Variants in RORA observed in about 807,000 individuals in gnomAD.
RORA encodes nuclear receptor ROR-alpha.
RORA carries 7 observed loss-of-function variants against 69.5 expected under a neutral mutation model. That is an observed-to-expected ratio of 0.10 (90% CI 0.06 to 0.19). The LOEUF is 0.19. Ranked by LOEUF, RORA falls within the 10% of genes least tolerant of loss-of-function variation. The pLI is 1.00. For synonymous variants in RORA, 261 were observed against 240.8 expected, an observed-to-expected ratio of 1.08 and a Z score of -0.78; for missense variants, 457 against 663.0, an observed-to-expected ratio of 0.69 and a Z score of 3.41.
chr15:61,188,613 C>T (rs1344796254), intron 1 of RORA, among the ~76,000 whole-genome samples: 1 of 150,942 alleles, frequency 6.6e-6, no homozygotes, highest in Non-Finnish European at 1.5e-5. Context: ...TGAGTAACAA[C>T]TAGGAAATAA....
intron 1 of RORA, among the ~76,000 whole-genome samples, chr15:60,776,259 G>A (rs1287867619): frequency 6.6e-6 from 1 of 152,208 alleles, no homozygotes; most frequent in Non-Finnish European, 1.5e-5. Flanking sequence ...ACTTCAGACT[G>A]AATCTTCTGT....
At chr15:60,718,762 A>G (rs1369104472) in intron 1 of RORA, among the ~76,000 whole-genome samples, 5 of 152,220 alleles carry the variant, frequency 3.3e-5, no homozygotes, top group African/African-American at 4.8e-5. Context: ...GAAGTCATTA[A>G]TATGTGGAAA....
At chr15:60,544,479 T>TTG (rs1567075375) in intron 2 of RORA, among the ~76,000 whole-genome samples, 57 of 152,228 alleles carry the variant, frequency 3.7e-4, no homozygotes, top group African/African-American at 1.2e-3. Context: ...CCTGCTTTTT[T>TTG]TTGTTGTTGT....
chr15:61,203,825 GAAC>G (rs1384081261), intron 1 of RORA, among the ~76,000 whole-genome samples: 1 of 152,132 alleles, frequency 6.6e-6, no homozygotes, highest in African/African-American at 2.4e-5. Flanking sequence ...ACCTGCAAAG[GAAC>G]AACAATATGA....
chr15:60,901,666 G>A (rs866307264), intron 1 of RORA, among the ~76,000 whole-genome samples: 21 of 151,958 alleles, frequency 1.4e-4, no homozygotes, highest in African/African-American at 4.8e-4. Context: ...TTAAATAATC[G>A]TAAGTGCTTA....
At chr15:60,558,293 CA>C in intron 2 of RORA, 2 of 1,611,840 alleles carry the variant, frequency 1.2e-6, no homozygotes, top group South Asian at 2.2e-5. Flanking sequence ...TGGAGAATCC[CA>C]AAAAGTTCAT....
chr15:60,860,081 G>C (rs556991150), intron 1 of RORA, among the ~76,000 whole-genome samples: 1 of 152,266 alleles, frequency 6.6e-6, no homozygotes, highest in South Asian at 2.1e-4. Context: ...ATGGGAAGCT[G>C]GCATGACTAG....
intron 2 of RORA, chr15:60,592,653 CGGGAG>C: frequency 9.0e-7 from 1 of 1,114,316 alleles, no homozygotes; most frequent in Non-Finnish European, 1.1e-6. Context: ...AGGCGGGAGG[CGGGAG>C]GCAGGCGCGC....
intron 1 of RORA, among the ~76,000 whole-genome samples, chr15:60,958,354 C>T (rs1426836743): frequency 6.6e-6 from 1 of 152,092 alleles, no homozygotes; most frequent in African/African-American, 2.4e-5. Flanking sequence ...TAATGTGGTC[C>T]ACTGCCCCCT....
chr15:61,157,393 T>TA (rs1391776264), intron 1 of RORA, among the ~76,000 whole-genome samples: 1 of 152,206 alleles, frequency 6.6e-6, no homozygotes, highest in East Asian at 1.9e-4. Flanking sequence ...CATAAAATGT[T>TA]AAAAAATACC....
At chr15:60,685,856 T>G (rs541450650) in intron 1 of RORA, among the ~76,000 whole-genome samples, 1 of 152,310 alleles carries the variant, frequency 6.6e-6, no homozygotes, top group South Asian at 2.1e-4. Context: ...TAAAAATCAT[T>G]TAGATATACT....
intron 1 of RORA, among the ~76,000 whole-genome samples, chr15:60,831,716 G>C (rs957957130): frequency 1.3e-5 from 2 of 152,086 alleles, no homozygotes; most frequent in Admixed American, 1.3e-4. Context: ...CACGACTCTT[G>C]AACTCAAAAC....
intron 2 of RORA, among the ~76,000 whole-genome samples, chr15:60,591,480 T>C (rs1282817492): frequency 6.6e-6 from 1 of 152,202 alleles, no homozygotes; most frequent in Non-Finnish European, 1.5e-5. Context: ...TGAGAGGACC[T>C]AGAGCCAGTC....
chr15:60,918,199 G>A (rs544980188), intron 1 of RORA, among the ~76,000 whole-genome samples: 1 of 152,192 alleles, frequency 6.6e-6, no homozygotes, highest in Non-Finnish European at 1.5e-5. Flanking sequence ...GGAAAGTCCT[G>A]GTTGCTAACT....
Position 60,907,920 on chromosome 15 carries a change from G to C in RORA, c.167-229234C>G, listed in dbSNP as rs372814038. On this transcript the variant is annotated intron_variant, in intron 1 of 10. Transcript: ENST00000335670. ...GTTGTGAGAAACCTTGCTCCCAGGT[G>C]CACAGTGAACACAGAGGGTCCTTCT... Among the ~76,000 whole-genome samples the C allele has an allele frequency of 9.2e-5, 14 of 152,316 alleles. 1 individual carries two copies. The East Asian group carries it at 1.2e-3, about 13-fold the overall frequency.
chr15:61,014,204 G>A (rs1409280773), intron 1 of RORA, among the ~76,000 whole-genome samples: 1 of 152,068 alleles, frequency 6.6e-6, no homozygotes, highest in Non-Finnish European at 1.5e-5. Context: ...ACCCTCTCTC[G>A]GCCTCAGCTT....
At chr15:60,959,784 C>T (rs891784572) in intron 1 of RORA, among the ~76,000 whole-genome samples, 1 of 152,164 alleles carries the variant, frequency 6.6e-6, no homozygotes, top group Non-Finnish European at 1.5e-5. Context: ...TCTTCTACTG[C>T]TGCATCCCAT....
At position 60,666,051 on chromosome 15, in the gene RORA, T is replaced by C. The variant is rs117095199; in HGVS notation, c.196+12606A>G. Among the ~76,000 whole-genome samples the C allele has an allele frequency of 6.2e-3, 949 of 152,214 alleles. 46 individuals carry two copies. The East Asian group carries it at 0.093, about 15-fold the overall frequency. On this transcript the variant is annotated intron_variant, in intron 2 of 10. Transcript: ENST00000335670. ...CTGAAATGAGCAACAAGAGTGGTCA[T>C]AAAATTGTGTATGTATACACACACA...
At chr15:61,046,408 G>T (rs1014740039) in intron 1 of RORA, among the ~76,000 whole-genome samples, 10 of 152,148 alleles carry the variant, frequency 6.6e-5, no homozygotes, top group African/African-American at 2.4e-4. Context: ...GAGACAGCCA[G>T]CAGGTTTCTA....
Sources: allele counts gnomAD v4.1 joint callset (sites outside exome capture counted in the v4.1 genomes callset), GRCh38; gene constraint gnomAD v4.1.1; transcripts MANE v1.5; gene names NCBI Gene and HGNC (gene_info 2026-07-23, HGNC 2026-07-21).